CPSF1: variants seen among roughly 807,000 people sequenced by gnomAD.
CPSF1 encodes cleavage and polyadenylation specific factor 1.
CPSF1 carries 106 observed loss-of-function variants against 175.8 expected under a neutral mutation model. That is an observed-to-expected ratio of 0.60 (90% CI 0.52 to 0.71). CPSF1 has a LOEUF of 0.71. Among genes scored for constraint, CPSF1 ranks in the 30% least tolerant of loss-of-function variants. The pLI is 0.00. For synonymous variants in CPSF1, 1,024 were observed against 858.3 expected, an observed-to-expected ratio of 1.19 and a Z score of -3.37; for missense variants, 1,734 against 2,022.9, an observed-to-expected ratio of 0.86 and a Z score of 2.74.
chr8:144,393,407 G>T (rs1432975385), intron 37 of CPSF1, 42 bp from the exon 38 acceptor site: 1 of 863,542 alleles, frequency 1.2e-6, no homozygotes, highest in Admixed American at 2.6e-5. Flanking sequence ...GGGTGGGGAT[G>T]CACACGGAGG....
rs2116861952 is a variant in CPSF1, at chr8:144,399,374, C to T, written c.1295-1G>A. 6.2e-7 allele frequency: 1 copy of T among 1,612,850 alleles called. No homozygotes were observed. Among genetic ancestry groups the T allele is most frequent in the Non-Finnish European group, 8.5e-7 (1 of 1,179,974 alleles). On this transcript the variant is annotated splice_acceptor_variant, in intron 13 of 37. Transcript: ENST00000616140. LOFTEE classifies it high-confidence loss of function. The surrounding 1 kb of genome is among the most constrained non-coding windows in gnomAD (Gnocchi z 6.4). ...TCCTGCGGCACCGACTTACCCGCAG[C>T]TGCACACAGAGAGCCCACTTGAGCG...
chr8:144,396,553 C>T (rs782272038), intron 25 of CPSF1, 45 bp downstream of exon 25: 15 of 1,607,700 alleles, frequency 9.3e-6, no homozygotes, highest in Non-Finnish European at 1.3e-5. Flanking sequence ...CGGATGAGGC[C>T]GCGTCTCCCT....
Position 144,400,728 on chromosome 8 carries a change from T to G in CPSF1, c.629A>C (p.His210Pro). The G allele has an allele frequency of 6.2e-7, 1 of 1,613,416 alleles. No individual in the cohort carries two copies. The highest frequency in any genetic ancestry group is 1.1e-5 in the South Asian group (1 of 90,916). ...LLNIIDLQFL[H>P]GYYEPTLLIL... The stretch of plus-strand genomic sequence containing the variant: ...GAGGAGGGTAGGCTCGTAGTAGCCA[T>G]GCAGGAACTGCAGGTCGATGATGTT... Residue 210 changes from histidine (H) to proline (P), a missense_variant, in exon 7 of 38, where the codon CAT becomes CCT. This residue lies in a region of CPSF1 where 122 missense variants were observed against 177.2 expected (regional missense o/e 0.69). Transcript: ENST00000616140.
At chr8:144,404,533 T>A in intron 2 of CPSF1, among the ~76,000 whole-genome samples, 1 of 151,582 alleles carries the variant, frequency 6.6e-6, no homozygotes, top group Non-Finnish European at 1.5e-5. Flanking sequence ...GCCTAATTTT[T>A]TTTTTTTTTG....
intron 2 of CPSF1, among the ~76,000 whole-genome samples, chr8:144,403,445 G>A (rs1194162964): frequency 6.6e-6 from 1 of 152,066 alleles, no homozygotes; most frequent in Non-Finnish European, 1.5e-5. Flanking sequence ...GTGCAGAGGA[G>A]CAATCATGTT....
intron 2 of CPSF1, among the ~76,000 whole-genome samples, chr8:144,406,866 C>G (rs1217038398): frequency 6.6e-6 from 1 of 152,204 alleles, no homozygotes; most frequent in Non-Finnish European, 1.5e-5. Flanking sequence ...GCAACCCCCA[C>G]CAGGGTTGGT....
At position 144,399,805 on chromosome 8, in the gene CPSF1, C is replaced by T. The variant is rs2116866424; in HGVS notation, c.1095G>A (p.Ala365=). The T allele has an allele frequency of 5.1e-6, 8 of 1,562,392 alleles. No individual in the cohort carries two copies. Among genetic ancestry groups the T allele is most frequent in the African/African-American group, 4.1e-5 (3 of 73,458 alleles). ...CGCTGGTGGTGAGGACGCTGGCGGC[C>T]GCCTTGTCAAAGTGGAACGCTCGGA... ...RSVRAFHFDK[A]AASVLTTSMV... is the part of the protein sequence containing the mutation. The change falls in exon 11 of 38, where the codon GCG becomes GCA. Residue 365 remains alanine (A), a synonymous_variant. Transcript: ENST00000616140. The surrounding 1 kb of genome is among the most constrained non-coding windows in gnomAD (Gnocchi z 6.4).
intron 2 of CPSF1, among the ~76,000 whole-genome samples, chr8:144,404,960 G>A (rs2116900491): frequency 3.8e-4 from 58 of 151,854 alleles, no homozygotes; most frequent in African/African-American, 6.3e-4. Context: ...CAGGGGAATC[G>A]CTTGAACCCA....
chr8:144,408,975 C>CG (rs1821647051), intron 2 of CPSF1, 40 bp downstream of exon 2: 1 of 1,603,296 alleles, frequency 6.2e-7, no homozygotes, highest in East Asian at 2.2e-5. Context: ...AGAGCACCCA[C>CG]GTCGCGGACA....
intron 2 of CPSF1, among the ~76,000 whole-genome samples, chr8:144,403,324 C>T (rs1289847677): frequency 6.6e-5 from 10 of 152,020 alleles, no homozygotes; most frequent in African/African-American, 2.4e-4. Flanking sequence ...CAACCCCTGA[C>T]CTCAAGCGAT....
At chr8:144,400,135 G>GGGGGGGGGCCCCCCCCCCCCCCCCCCCC in intron 9 of CPSF1, 31 bp downstream of exon 9, 1 of 896,006 alleles carries the variant, frequency 1.1e-6, no homozygotes, top group Non-Finnish European at 1.6e-6. Flanking sequence ...CCGTCCCCGG[G>GGGGGGGGGCCCCCCCCCCCCCCCCCCCC]CCCCCCCCGC....
intron 2 of CPSF1, among the ~76,000 whole-genome samples, chr8:144,406,923 C>T (rs1385918612): frequency 6.6e-6 from 1 of 152,066 alleles, no homozygotes; most frequent in African/African-American, 2.4e-5. Context: ...TGTATTACTA[C>T]TACTTTTTTT....
intron 26 of CPSF1, 188 bp downstream of exon 26, chr8:144,396,160 A>T: frequency 1.6e-6 from 1 of 637,502 alleles, no homozygotes; most frequent in Non-Finnish European, 2.7e-6. Context: ...GCTCCCAACC[A>T]CCCCTTTCCA....
Position 144,394,813 on chromosome 8 carries a change from T to A in CPSF1, c.3415-17A>T. On this transcript the variant is annotated splice_polypyrimidine_tract_variant and intron_variant, in intron 30 of 37. Coordinates refer to ENST00000616140, the MANE Select transcript of CPSF1 (RefSeq NM_013291.3). ...GATCAAGATCTGGAGGGCATGGGTA[T>A]GGCTGTGGGATGGCTGTGGGGATGG... 1 of 1,613,252 alleles carries A rather than the reference T, an allele frequency of 6.2e-7. No homozygotes were observed. The highest frequency in any genetic ancestry group is 8.5e-7 in the Non-Finnish European group (1 of 1,179,838).
rs139129343 is a variant in CPSF1 at position 144,400,857 on chromosome 8, G to A, written c.540-40C>T. On this transcript the variant is annotated intron_variant, in intron 6 of 37. Coordinates refer to ENST00000616140, the MANE Select transcript of CPSF1 (RefSeq NM_013291.3). ...GCTTCAGCAGGAGAGGAGGGGAGGC[G>A]GGGAGGGGAGCTCGGGCTCTGGCGC... The A allele has an allele frequency of 9.1e-5, 147 of 1,609,018 alleles. No homozygotes were observed. In the African/African-American group the frequency reaches 1.2e-3, roughly 13 times the overall value.
At position 144,394,472 on chromosome 8, in the gene CPSF1, G is replaced by A. The variant is rs139096996; in HGVS notation, c.3651C>T (p.Ser1217=). The part of the protein sequence containing the change: ...DTQLYIHQMI[S]VKNFILAADV... Reference sequence around the variant, plus strand: ...CGGCTGCCAGGATGAAGTTCTTGACGCTGATCATCTGGTGTATGTAGAGCT... The same window carrying A: ...CGGCTGCCAGGATGAAGTTCTTGACACTGATCATCTGGTGTATGTAGAGCT... Residue 1217 remains serine (S), a synonymous_variant, in exon 32 of 38, where the codon AGC becomes AGT. Coordinates refer to ENST00000616140, the MANE Select transcript of CPSF1 (RefSeq NM_013291.3). The A allele has an allele frequency of 3.6e-4, 586 of 1,608,994 alleles. 12 individuals are homozygous for A. In the South Asian group the frequency reaches 5.9e-3, roughly 16 times the overall value.
At chr8:144,405,583 T>C (rs2116902554) in intron 2 of CPSF1, among the ~76,000 whole-genome samples, 4 of 152,058 alleles carry the variant, frequency 2.6e-5, no homozygotes. Context: ...GAGATCGCAC[T>C]GTTGCACTCT....
rs2116877378 is a variant in CPSF1 at position 144,400,666 on chromosome 8, C to T, written c.686+5G>A. 1.9e-6 allele frequency: 3 copies of T among 1,603,792 alleles called. No homozygotes were observed. The highest frequency in any genetic ancestry group is 3.3e-4 in the Middle Eastern group (2 of 6,048). On this transcript the variant is annotated splice_donor_5th_base_variant and intron_variant, in intron 7 of 37. Coordinates refer to ENST00000616140, the MANE Select transcript of CPSF1 (RefSeq NM_013291.3). ...AGTGCAGAGGGGCCTCCTTAGGGGG[C>T]TCACCCAGGCCAGGTCTGGTTGGGC...
chr8:144,395,650 C>A, intron 26 of CPSF1, 99 bp from the exon 27 acceptor site: 1 of 1,018,264 alleles, frequency 9.8e-7, no homozygotes, highest in South Asian at 1.5e-5. Context: ...GCCCTCAGCT[C>A]TGTGGGAGCA....
Sources: allele counts gnomAD v4.1 joint callset (sites outside exome capture counted in the v4.1 genomes callset), GRCh38; gene constraint gnomAD v4.1.1; regional missense constraint gnomAD v4.1.1; non-coding constraint Gnocchi (gnomAD v3.1); transcripts MANE v1.5; gene names NCBI Gene and HGNC (gene_info 2026-07-23, HGNC 2026-07-21).